RAPGEF5: variants seen among roughly 807,000 people sequenced by gnomAD.
The protein encoded by RAPGEF5 is M-Ras-regulated GEF.
Under a neutral mutation model 125.2 loss-of-function variants are expected in RAPGEF5, and 65 were observed. That is an observed-to-expected ratio of 0.52 (90% CI 0.43 to 0.64). The LOEUF is 0.64. Among genes scored for constraint, RAPGEF5 ranks in the 30% least tolerant of loss-of-function variants. RAPGEF5 has a pLI of 0.00. For missense variants in RAPGEF5, 958 were observed against 1,048.1 expected, an observed-to-expected ratio of 0.91 and a Z score of 1.19; for synonymous variants, 391 against 385.9, an observed-to-expected ratio of 1.01 and a Z score of -0.16.
intron 9 of RAPGEF5, among the ~76,000 whole-genome samples, chr7:22,212,252 C>T (rs982621828): frequency 2.0e-5 from 3 of 152,168 alleles, no homozygotes; most frequent in Non-Finnish European, 2.9e-5. Flanking sequence ...GGATTACAGG[C>T]GTGAGCCACC....
Position 22,188,434 on chromosome 7 carries a change from T to C in RAPGEF5, c.1204+4933A>G, listed in dbSNP as rs79591375. Among the ~76,000 whole-genome samples, 1,184 of 152,294 alleles carry C rather than the reference T, an allele frequency of 7.8e-3. 20 individuals carry two copies. Among genetic ancestry groups the C allele is most frequent in the African/African-American group, 0.027 (1,143 of 41,574 alleles). On this transcript the variant is annotated intron_variant, in intron 11 of 25. Transcript: ENST00000665637. ...AAAAGTTAATAGAAAATGAGGTGCC[T>C]GCCCTCACTTTACTTAATGTTTTAT...
Position 22,122,198 on chromosome 7 carries a change from G to C in RAPGEF5, c.*208C>G, listed in dbSNP as rs1248627599. On this transcript the variant is annotated 3_prime_UTR_variant, in exon 26 of 26. Coordinates refer to ENST00000665637, the MANE Select transcript of RAPGEF5 (RefSeq NM_012294.5). ...CTTCTGACTCTCCTTCTGCCTTCTT[G>C]TCCCGAGAGTAGCATGGAGAAACCT... The C allele has an allele frequency of 5.8e-6, 3 of 513,562 alleles. No homozygotes were observed. Among genetic ancestry groups the C allele is most frequent in the East Asian group, 6.2e-5 (2 of 32,012 alleles). 31.8% of individuals were successfully genotyped at this position (513,562 alleles called of 1,614,324 possible). A position where few individuals can be genotyped will look rare whatever the true frequency, so the allele number is the denominator to read the frequency against.
At chr7:22,248,000 C>T (rs367566688) in intron 7 of RAPGEF5, among the ~76,000 whole-genome samples, 7 of 152,076 alleles carry the variant, frequency 4.6e-5, no homozygotes, top group South Asian at 2.1e-4. Context: ...GGGCAAGGGC[C>T]GAAAAACTAT....
Position 22,232,598 on chromosome 7 carries a change from GGT to G in RAPGEF5, c.797-1681_797-1680del, listed in dbSNP as rs201435850. Among the ~76,000 whole-genome samples the G allele has an allele frequency of 5.0e-3, 766 of 152,266 alleles. 8 individuals carry two copies. The highest frequency in any genetic ancestry group is 0.018 in the African/African-American group (732 of 41,544). On this transcript the variant is annotated intron_variant, in intron 7 of 25. Transcript: ENST00000665637. ...GCCTCCCAAAGTGCTGGGATTACAAGGTGTGAGCCACCACGCTTGGCCTGTGT... is the reference window on the plus strand; with the variant it reads ...GCCTCCCAAAGTGCTGGGATTACAAGGTGAGCCACCACGCTTGGCCTGTGT...
rs75999356 is a variant in RAPGEF5, at chr7:22,300,421, T to C, written c.680+7918A>G. Among the ~76,000 whole-genome samples, 10 of 152,342 alleles carry C rather than the reference T, an allele frequency of 6.6e-5. No individual in the cohort carries two copies. In the East Asian group the frequency reaches 1.7e-3, roughly 26 times the overall value. On this transcript the variant is annotated intron_variant, in intron 5 of 25. Coordinates refer to ENST00000665637, the MANE Select transcript of RAPGEF5 (RefSeq NM_012294.5). ...TCAAGTCTTTAATAATTTCAATATC[T>C]GAGTCATCTCAGGGTAGACATTAAT...
At chr7:22,193,282 T>C (rs1416384765) in intron 11 of RAPGEF5, 85 bp downstream of exon 11, 5 of 1,429,468 alleles carry the variant, frequency 3.5e-6, no homozygotes, top group Non-Finnish European at 4.7e-6. Flanking sequence ...CGGTTTCAGC[T>C]AACAGTGGGA....
chr7:22,355,324 T>C (rs1784401621), intron 1 of RAPGEF5, among the ~76,000 whole-genome samples: 2 of 152,196 alleles, frequency 1.3e-5, no homozygotes, highest in Admixed American at 1.3e-4. Context: ...ACTATAGATC[T>C]ATTTATACAG....
At chr7:22,172,817 A>C (rs1053302841) in intron 11 of RAPGEF5, among the ~76,000 whole-genome samples, 5 of 152,232 alleles carry the variant, frequency 3.3e-5, no homozygotes, top group African/African-American at 9.6e-5. Flanking sequence ...AAATTATATA[A>C]ATCTACCTTG....
intron 1 of RAPGEF5, among the ~76,000 whole-genome samples, chr7:22,321,859 G>T (rs944612850): frequency 2.6e-5 from 4 of 152,200 alleles, no homozygotes; most frequent in African/African-American, 7.2e-5. Context: ...CTATTAAGCT[G>T]CCCAGTGGAT....
At chr7:22,345,737 G>C (rs1172374262) in intron 1 of RAPGEF5, among the ~76,000 whole-genome samples, 1 of 139,804 alleles carries the variant, frequency 7.2e-6, no homozygotes, top group East Asian at 2.1e-4. Context: ...TATGTGCCAA[G>C]AGCAGTGGGA....
intron 6 of RAPGEF5, among the ~76,000 whole-genome samples, chr7:22,268,779 C>T (rs1477165071): frequency 6.6e-6 from 1 of 152,172 alleles, no homozygotes; most frequent in Non-Finnish European, 1.5e-5. Flanking sequence ...CACCTGAATT[C>T]CCTTTATGGG....
chr7:22,337,362 T>C lies in RAPGEF5; in HGVS notation c.232-19325A>G, dbSNP rs527994762. ...CAGGTCATTAGAAATGCAAAAGTTT[T>C]AAAAGACATCTTAAAAGGCCACTCT... On this transcript the variant is annotated intron_variant, in intron 1 of 25. Transcript: ENST00000665637. 4.6e-5 allele frequency among the ~76,000 whole-genome samples: 7 copies of C among 152,202 alleles called. No individual in the cohort carries two copies. The South Asian group carries it at 1.5e-3, about 32-fold the overall frequency.
At chr7:22,248,106 C>A (rs1562487462) in intron 7 of RAPGEF5, among the ~76,000 whole-genome samples, 3 of 152,142 alleles carry the variant, frequency 2.0e-5, no homozygotes, top group Non-Finnish European at 4.4e-5. Context: ...CACGTGTACC[C>A]TTTGACTCTA....
At chr7:22,207,637 T>TA (rs1469034794) in intron 9 of RAPGEF5, among the ~76,000 whole-genome samples, 2 of 152,252 alleles carry the variant, frequency 1.3e-5, no homozygotes, top group Non-Finnish European at 2.9e-5. Context: ...AGCAAGTTGC[T>TA]TGCTACTTTA....
At chr7:22,147,590 T>C (rs796785829) in intron 18 of RAPGEF5, among the ~76,000 whole-genome samples, 8 of 152,294 alleles carry the variant, frequency 5.3e-5, no homozygotes, top group African/African-American at 1.9e-4. Flanking sequence ...TAGATTATTA[T>C]TTTAAGTATC....
intron 7 of RAPGEF5, among the ~76,000 whole-genome samples, chr7:22,240,372 T>C (rs1191243949): frequency 2.0e-5 from 3 of 151,962 alleles, no homozygotes; most frequent in Admixed American, 6.6e-5. Context: ...CTTTACTTTT[T>C]TCGGTTGTTT....
chr7:22,324,309 C>T (rs1410807461), intron 1 of RAPGEF5, among the ~76,000 whole-genome samples: 1 of 152,156 alleles, frequency 6.6e-6, no homozygotes, highest in Admixed American at 6.5e-5. Flanking sequence ...TCAAGGTTAA[C>T]AGGGACCAAT....
chr7:22,197,802 T>C (rs1229054607), intron 9 of RAPGEF5, among the ~76,000 whole-genome samples: 1 of 151,040 alleles, frequency 6.6e-6, no homozygotes, highest in Non-Finnish European at 1.5e-5. Context: ...ATTTACTGAA[T>C]ACGTTTATAA....
rs76068546 is a variant in RAPGEF5, at chr7:22,354,483, A to C, written c.231+2347T>G. On this transcript the variant is annotated intron_variant, in intron 1 of 25. Transcript: ENST00000665637. ...CAATCCCAGATGCTAACAAGTCACC[A>C]ACCAACCAGTCTGATACATATTCTA... 2.6e-5 allele frequency among the ~76,000 whole-genome samples: 4 copies of C among 152,284 alleles called. No homozygotes were observed. In the South Asian group the frequency reaches 8.3e-4, roughly 32 times the overall value.
Sources: allele counts gnomAD v4.1 joint callset (sites outside exome capture counted in the v4.1 genomes callset), GRCh38; gene constraint gnomAD v4.1.1; transcripts MANE v1.5; gene names NCBI Gene and HGNC (gene_info 2026-07-23, HGNC 2026-07-21).